FDXR: variants seen among roughly 807,000 people sequenced by gnomAD.
FDXR encodes ferredoxin reductase.
In FDXR, 38 loss-of-function variants were observed where a neutral mutation model predicts 58.3. The ratio of observed to expected loss-of-function variants is 0.65; its 90% CI spans 0.50 to 0.85. The LOEUF (loss-of-function observed/expected upper bound fraction) is 0.85. Ranked by LOEUF, FDXR falls within the 40% of genes least tolerant of loss-of-function variation. The probability of loss-of-function intolerance (pLI) is 0.00; values close to 1 mark genes in which losing one functional copy is unlikely to be tolerated. For missense variants in FDXR, 624 were observed against 671.0 expected, an observed-to-expected ratio of 0.93 and a Z score of 0.77; for synonymous variants, 275 against 273.8, an observed-to-expected ratio of 1.00 and a Z score of -0.04.
At chr17:74,865,192 G>A (rs1423187061) in intron 6 of FDXR, among the ~76,000 whole-genome samples, 1 of 152,190 alleles carries the variant, frequency 6.6e-6, no homozygotes, top group Non-Finnish European at 1.5e-5. Flanking sequence ...GAGCTTGGAG[G>A]GGCGGGGTGG....
chr17:74,863,850 G>A (rs200250097), intron 10 of FDXR, 46 bp downstream of exon 10: 106 of 1,577,328 alleles, frequency 6.7e-5, no homozygotes, highest in Admixed American at 6.3e-4. Flanking sequence ...CCAGCTTCTC[G>A]GCCTCTCACC....
intron 1 of FDXR, chr17:74,872,520 A>G (rs1356805281): frequency 3.3e-6 from 2 of 613,738 alleles, no homozygotes; most frequent in African/African-American, 3.7e-5. Context: ...AAAACGCTAT[A>G]TTGCCCATAT....
intron 2 of FDXR, among the ~76,000 whole-genome samples, chr17:74,869,130 C>T (rs2038289634): frequency 6.6e-6 from 1 of 152,224 alleles, no homozygotes; most frequent in South Asian, 2.1e-4. Flanking sequence ...TGGCCACCAG[C>T]CCTGCCTGGA....
At chr17:74,871,284 C>A (rs1213263838) in intron 2 of FDXR, among the ~76,000 whole-genome samples, 1 of 152,232 alleles carries the variant, frequency 6.6e-6, no homozygotes, top group Non-Finnish European at 1.5e-5. Context: ...TTGTCCTGGG[C>A]AGTCCAGGCC....
rs2038201730 is a variant in FDXR, at chr17:74,866,767, G to A, written c.270+17C>T. On this transcript the variant is annotated intron_variant, in intron 3 of 11. Transcript: ENST00000293195. The stretch of plus-strand genomic sequence containing the variant: ...CAAAGTCTCCAAACCCCAGCCTCCA[G>A]GCCCAGAGACACCCACCTTCACCTC... 3 of 1,613,452 alleles carry A rather than the reference G, an allele frequency of 1.9e-6. No individual in the cohort carries two copies. The highest frequency in any genetic ancestry group is 1.7e-6 in the Non-Finnish European group (2 of 1,179,638).
intron 2 of FDXR, among the ~76,000 whole-genome samples, chr17:74,870,663 C>T (rs1260452322): frequency 2.0e-5 from 3 of 152,154 alleles, no homozygotes; most frequent in African/African-American, 4.8e-5. Flanking sequence ...GATCTCCATC[C>T]CAGAGCCCAG....
chr17:74,872,625 C>T (rs2038411405), intron 1 of FDXR: 12 of 858,236 alleles, frequency 1.4e-5, no homozygotes, highest in Non-Finnish European at 1.9e-5. Context: ...CCGTCTCACA[C>T]CTGTAGATCT....
chr17:74,872,580 C>A (rs1598544020), intron 1 of FDXR: 2 of 667,588 alleles, frequency 3.0e-6, no homozygotes, highest in East Asian at 2.8e-5. Context: ...ACTTTCCTCT[C>A]GCCCCACAGA....
Position 74,863,219 on chromosome 17 carries a change from C to T in FDXR, c.1202G>A (p.Arg401Lys), listed in dbSNP as rs146539535. ...PGLYCSGWVK[R>K]GPTGVIATTM... ...TGTGGCTATGACACCTGTAGGTCCT[C>T]TCTTCACCCAGCCGCTGCAGTAGAG... The change falls in exon 11 of 12, where the codon AGA (arginine) becomes AAA (lysine). Residue 401 changes from arginine (R) to lysine (K), a missense_variant. Coordinates refer to ENST00000293195, the MANE Select transcript of FDXR (RefSeq NM_024417.5). 237 of 1,613,228 alleles carry T rather than the reference C, an allele frequency of 1.5e-4. No homozygotes were observed. Among genetic ancestry groups the T allele is most frequent in the Middle Eastern group, 8.2e-4 (5 of 6,082 alleles).
At chr17:74,865,868 G>C (rs1280623738) in intron 5 of FDXR, 48 bp from the exon 6 acceptor site, 1 of 1,441,902 alleles carries the variant, frequency 6.9e-7, no homozygotes, top group Non-Finnish European at 9.7e-7. Flanking sequence ...GCTCCACTCA[G>C]TTCATCTCAG....
rs779256067 is a variant in FDXR at position 74,866,249 on chromosome 17, T to C, written c.394-5A>G. ...ATGGTCCTCTGCCCCGTAGCTCTGA[T>C]GAAAGATGGCAGGCCCGAGACCCAC... is the stretch of plus-strand genomic sequence containing the variant. On this transcript the variant is annotated splice_polypyrimidine_tract_variant and splice_region_variant and intron_variant, in intron 4 of 11. Transcript: ENST00000293195. 7 of 1,612,204 alleles carry C rather than the reference T, an allele frequency of 4.3e-6. No individual in the cohort carries two copies. The highest frequency in any genetic ancestry group is 5.9e-6 in the Non-Finnish European group (7 of 1,178,838).
chr17:74,866,668 TG>T (rs2038197482), intron 3 of FDXR, 100 bp from the exon 4 acceptor site: 2 of 1,591,562 alleles, frequency 1.3e-6, no homozygotes, highest in Non-Finnish European at 1.7e-6. Context: ...GGAGGGAAGC[TG>T]GGTGGCATGG....
At position 74,865,026 on chromosome 17, in the gene FDXR, C is replaced by T. The variant is rs918807724; in HGVS notation, c.610-95G>A. The T allele has an allele frequency of 7.6e-6, 12 of 1,575,630 alleles. 1 individual carries two copies. The highest frequency in any genetic ancestry group is 1.0e-5 in the Non-Finnish European group (12 of 1,154,504). On this transcript the variant is annotated intron_variant, in intron 6 of 11. Transcript: ENST00000293195. Reference sequence around the variant, plus strand: ...GTCCCCACCGTGGGCCTGGAGAAGGCTGGCGGCTCAAAATTGCGCCACTGC... The same window carrying T: ...GTCCCCACCGTGGGCCTGGAGAAGGTTGGCGGCTCAAAATTGCGCCACTGC...
At chr17:74,868,435 A>G (rs562317100) in intron 2 of FDXR, 40 of 735,888 alleles carry the variant, frequency 5.4e-5, no homozygotes, top group Non-Finnish European at 8.9e-5. Context: ...TATCATTACT[A>G]TTCTGTTGTT....
chr17:74,868,282 T>TCCAGCA, intron 2 of FDXR: 1 of 582,644 alleles, frequency 1.7e-6, no homozygotes, highest in Non-Finnish European at 3.1e-6. Flanking sequence ...CAGTCCCAGC[T>TCCAGCA]CTAGCACTAG....
At chr17:74,872,795 C>T (rs987946488) in intron 1 of FDXR, 71 bp downstream of exon 1, 3 of 1,539,588 alleles carry the variant, frequency 1.9e-6, no homozygotes, top group Non-Finnish European at 2.6e-6. Flanking sequence ...CCCAGCTCTG[C>T]TCCGACCCCT....
chr17:74,864,095 G>A lies in FDXR; in HGVS notation c.1003-28C>T, dbSNP rs1598514787. On this transcript the variant is annotated intron_variant, in intron 9 of 11. Transcript: ENST00000293195. ...GTTGGGGAGAGTGTGGGCAACACCA[G>A]GCGGGTGGCAGAGGCCTGGGAAGGG... is the stretch of plus-strand genomic sequence containing the variant. The A allele has an allele frequency of 3.1e-6, 5 of 1,613,592 alleles. No homozygotes were observed. In the East Asian group the frequency reaches 1.1e-4, roughly 36 times the overall value.
chr17:74,863,889 C>A lies in FDXR; in HGVS notation c.1174+7G>T. The A allele has an allele frequency of 6.2e-7, 1 of 1,609,336 alleles. No individual in the cohort carries two copies. The highest frequency in any genetic ancestry group is 8.5e-7 in the Non-Finnish European group (1 of 1,176,786). ...ATTCAGCACCCAGCCTCCTCACACC[C>A]TCTCACCTGGCACATCCATAACCCG... On this transcript the variant is annotated splice_region_variant and intron_variant, in intron 10 of 11. Coordinates refer to ENST00000293195, the MANE Select transcript of FDXR (RefSeq NM_024417.5).
rs1239514916 is a variant in FDXR at position 74,866,004 on chromosome 17, C to T, written c.507+127G>A. Reference sequence around the variant, plus strand: ...CTCCCCCGAGGCCCTCCACAGCTGGCCTCCCGCCTCAGTCAGCACAATGTC... The same window carrying T: ...CTCCCCCGAGGCCCTCCACAGCTGGTCTCCCGCCTCAGTCAGCACAATGTC... On this transcript the variant is annotated intron_variant, in intron 5 of 11. Coordinates refer to ENST00000293195, the MANE Select transcript of FDXR (RefSeq NM_024417.5). 1.7e-4 allele frequency: 153 copies of T among 883,606 alleles called. 2 individuals are homozygous for T. Among genetic ancestry groups the T allele is most frequent in the Non-Finnish European group, 1.8e-6 (1 of 557,870 alleles). The allele number at this position is 883,606 out of a possible 1,614,324, so 54.7% of individuals were successfully genotyped here. A position where few individuals can be genotyped will look rare whatever the true frequency, so the allele number is the denominator to read the frequency against.
Sources: allele counts gnomAD v4.1 joint callset (sites outside exome capture counted in the v4.1 genomes callset), GRCh38; gene constraint gnomAD v4.1.1; transcripts MANE v1.5; gene names NCBI Gene and HGNC (gene_info 2026-07-23, HGNC 2026-07-21).